Variants in COLEC11 observed in about 807,000 individuals in gnomAD.
COLEC11 encodes collectin subfamily member 11, also known as collectin-11.
Under a neutral mutation model 27.3 loss-of-function variants are expected in COLEC11, and 20 were observed. The observed-to-expected ratio is 0.73, with a 90% CI of 0.51 to 1.06. The LOEUF (loss-of-function observed/expected upper bound fraction) is 1.06, where lower values mean the gene tolerates loss of function less well. COLEC11 is among the 50% of genes least tolerant of loss of function. The probability of loss-of-function intolerance (pLI) is 0.00; values close to 1 mark genes in which losing one functional copy is unlikely to be tolerated. For missense variants in COLEC11, 310 were observed against 383.0 expected (o/e 0.81, Z 1.59); for synonymous variants, 163 against 154.7 (o/e 1.05, Z -0.40).
intron 4 of COLEC11, 39 bp downstream of exon 4, chr2:3,637,643 C>T: frequency 2.0e-6 from 3 of 1,518,912 alleles, no homozygotes; most frequent in Middle Eastern, 1.7e-4. Context: ...TCCCCCCTGC[C>T]CCTAGGGTCA....
Position 3,644,339 on chromosome 2 carries a change from C to T in COLEC11, c.*221C>T, listed in dbSNP as rs934745308. On this transcript the variant is annotated 3_prime_UTR_variant, in exon 7 of 7. Coordinates refer to ENST00000349077, the MANE Select transcript of COLEC11 (RefSeq NM_024027.5). ...CTCTGAAGAAGCAGAGTTTCATTAC[C>T]TGTATTGTAGCCCCAATGTCATTAT... 3 of 699,612 alleles carry T rather than the reference C, an allele frequency of 4.3e-6. No homozygotes were observed. Among genetic ancestry groups the T allele is most frequent in the Admixed American group, 2.0e-5 (1 of 49,724 alleles). The allele number at this position is 699,612 out of a possible 1,614,324, so 43.3% of individuals were successfully genotyped here.
chr2:3,629,287 C>T (rs1348411371), intron 3 of COLEC11, among the ~76,000 whole-genome samples: 1 of 152,178 alleles, frequency 6.6e-6, no homozygotes, highest in Non-Finnish European at 1.5e-5. Context: ...TTTCTTCTTC[C>T]TCCAAACACC....
intron 5 of COLEC11, chr2:3,641,260 TGAG>T (rs1160064140): frequency 3.8e-6 from 5 of 1,304,150 alleles, no homozygotes; most frequent in African/African-American, 1.5e-5. Flanking sequence ...ACCGCAGAGA[TGAG>T]GAGGAACGGC....
At chr2:3,616,891 A>G (rs966273921) in intron 3 of COLEC11, among the ~76,000 whole-genome samples, 2 of 152,190 alleles carry the variant, frequency 1.3e-5, no homozygotes, top group African/African-American at 4.8e-5. Context: ...CCAGGTCACA[A>G]ATGCTGGGAT....
chr2:3,626,199 G>A, intron 3 of COLEC11: 1 of 958,032 alleles, frequency 1.0e-6, no homozygotes, highest in Non-Finnish European at 1.7e-6. Flanking sequence ...AACTGGAGCA[G>A]AAGCCCCATT....
At chr2:3,639,168 C>T (rs975142807) in intron 4 of COLEC11, among the ~76,000 whole-genome samples, 1 of 152,226 alleles carries the variant, frequency 6.6e-6, no homozygotes, top group Non-Finnish European at 1.5e-5. Context: ...TAATATTCCA[C>T]CATATGGATG....
At chr2:3,595,440 C>T (rs569004812) in intron 1 of COLEC11, among the ~76,000 whole-genome samples, 6 of 152,368 alleles carry the variant, frequency 3.9e-5, no homozygotes, top group South Asian at 2.1e-4. Context: ...GAGTCACCCT[C>T]TTGGGTGGCA....
rs1417603062 is a variant in COLEC11 at position 3,639,318 on chromosome 2, C to A, written c.275-960C>A. 2.6e-5 allele frequency among the ~76,000 whole-genome samples: 4 copies of A among 152,302 alleles called. No homozygotes were observed. The East Asian group carries it at 5.8e-4, about 22-fold the overall frequency. ...TTTACCATGCGGTGTGTGCTCTGGG[C>A]AGATTCCGGCATCTCCTAAGGGGCA... On this transcript the variant is annotated intron_variant, in intron 4 of 6. Transcript: ENST00000349077.
intron 3 of COLEC11, among the ~76,000 whole-genome samples, chr2:3,615,713 G>A (rs995305508): frequency 5.9e-5 from 9 of 152,008 alleles, no homozygotes; most frequent in Non-Finnish European, 1.2e-4. Flanking sequence ...AGAAGGGGGC[G>A]GCTGGGCAGA....
At chr2:3,601,743 C>A (rs1377283663) in intron 1 of COLEC11, among the ~76,000 whole-genome samples, 5 of 152,196 alleles carry the variant, frequency 3.3e-5, no homozygotes, top group Admixed American at 3.3e-4. Flanking sequence ...GTGCCCAAGC[C>A]CTGGCTCCGC....
intron 3 of COLEC11, among the ~76,000 whole-genome samples, chr2:3,625,501 A>G (rs1664482516): frequency 6.6e-6 from 1 of 152,046 alleles, no homozygotes; most frequent in Admixed American, 6.5e-5. Context: ...AGGAGTCCAT[A>G]AAGGGATGTG....
At chr2:3,603,745 C>G in intron 1 of COLEC11, 3 of 1,376,278 alleles carry the variant, frequency 2.2e-6, no homozygotes, top group South Asian at 1.2e-5. Flanking sequence ...CCTCCCCAGG[C>G]CCCTGGGTTC....
intron 2 of COLEC11, among the ~76,000 whole-genome samples, chr2:3,606,862 G>A (rs1413494963): frequency 1.3e-5 from 2 of 152,222 alleles, no homozygotes; most frequent in Non-Finnish European, 2.9e-5. Context: ...GTCGCTGGAG[G>A]TCAAAGAGGA....
Position 3,641,191 on chromosome 2 carries a change from G to T in COLEC11, c.328+860G>T, listed in dbSNP as rs1225565097. On this transcript the variant is annotated intron_variant, in intron 5 of 6. Coordinates refer to ENST00000349077, the MANE Select transcript of COLEC11 (RefSeq NM_024027.5). ...AAGGATCTGACTCTTGGATACCAGG[G>T]AGAAAAGAGAGGGGCTGGATTTCTG... 32 of 1,294,348 alleles carry T rather than the reference G, an allele frequency of 2.5e-5. 1 individual carries two copies. In the Admixed American group the frequency reaches 7.1e-4, roughly 29 times the overall value. 80.2% of individuals were successfully genotyped at this position (1,294,348 alleles called of 1,614,324 possible). A position where few individuals can be genotyped will look rare whatever the true frequency, so the allele number is the denominator to read the frequency against.
At chr2:3,641,200 G>T in intron 5 of COLEC11, 1 of 1,300,710 alleles carries the variant, frequency 7.7e-7, no homozygotes, top group Non-Finnish European at 1.0e-6. Flanking sequence ...GGAGAAAAGA[G>T]AGGGGCTGGA....
At chr2:3,617,802 C>G (rs1295181444) in intron 3 of COLEC11, 2 of 774,510 alleles carry the variant, frequency 2.6e-6, no homozygotes, top group South Asian at 1.6e-5. Context: ...GTTTTCCATT[C>G]CCACCAGCAA....
chr2:3,621,916 C>T (rs1000191702), intron 3 of COLEC11, among the ~76,000 whole-genome samples: 1 of 152,148 alleles, frequency 6.6e-6, no homozygotes, highest in African/African-American at 2.4e-5. Context: ...CAGTGGCTCA[C>T]ACCTGTAATC....
At position 3,602,120 on chromosome 2, in the gene COLEC11, A is replaced by C. The variant is rs1431790120; in HGVS notation, c.-26-2195A>C. ...ACCACCCTCCCCTGGCTTTTGTAGC[A>C]GGGCTCTCACGGGGCTGTTGATGTG... On this transcript the variant is annotated intron_variant, in intron 1 of 6. Coordinates refer to ENST00000349077, the MANE Select transcript of COLEC11 (RefSeq NM_024027.5). The surrounding 1 kb of genome is among the most constrained non-coding windows in gnomAD (Gnocchi z 6.2). 1 of 152,206 alleles carries C rather than the reference A, an allele frequency of 6.6e-6. No individual in the cohort carries two copies. The highest frequency in any genetic ancestry group is 1.5e-5 in the Non-Finnish European group (1 of 68,108). The allele number at this position is 152,206 out of a possible 1,614,324, so 9.4% of individuals were successfully genotyped here.
At chr2:3,641,246 C>T (rs1175961131) in intron 5 of COLEC11, 50 of 1,304,182 alleles carry the variant, frequency 3.8e-5, no homozygotes, top group East Asian at 1.1e-4. Context: ...AAAGCTCCTT[C>T]GGCACCGCAG....
Sources: gnomAD v4.1 joint callset for allele counts (sites outside exome capture counted in the v4.1 genomes callset) on GRCh38, gnomAD v4.1.1 for gene constraint, Gnocchi (gnomAD v3.1) non-coding constraint, MANE v1.5 for transcripts, NCBI Gene and HGNC (gene_info 2026-07-23, HGNC 2026-07-21) for gene names.